Variants in MAP3K7CL observed in about 807,000 individuals in gnomAD.
MAP3K7CL encodes the protein MAP3K7 C-terminal like, also known as MAP3K7 C-terminal-like protein.
A neutral mutation model predicts 18.6 loss-of-function variants in MAP3K7CL; 16 were observed. The observed-to-expected ratio is 0.86, with a 90% CI of 0.58 to 1.31. The LOEUF is 1.31. MAP3K7CL is among the 50% of genes most tolerant of loss of function. The pLI is 0.00. For missense variants in MAP3K7CL, 163 were observed against 174.4 expected (o/e 0.93, Z 0.37); for synonymous variants, 65 against 66.8 (o/e 0.97, Z 0.13).
chr21:29,109,259 C>A, intron 4 of MAP3K7CL: 3 of 1,533,740 alleles, frequency 2.0e-6, no homozygotes, highest in Non-Finnish European at 1.7e-6. Context: ...TATATACAAC[C>A]AGATAGTGCA....
chr21:29,171,722 G>A (rs958444982), intron 4 of MAP3K7CL, among the ~76,000 whole-genome samples: 1 of 144,466 alleles, frequency 6.9e-6, no homozygotes, highest in African/African-American at 2.6e-5. Flanking sequence ...CAGGAGAATC[G>A]CTTGATCCCA....
intron 4 of MAP3K7CL, among the ~76,000 whole-genome samples, chr21:29,115,849 A>G (rs78689757): frequency 2.0e-5 from 3 of 152,230 alleles, no homozygotes; most frequent in African/African-American, 7.2e-5. Flanking sequence ...TAATTATTCT[A>G]TTTAAAGCCC....
At chr21:29,133,794 C>G (rs115667919) in intron 2 of MAP3K7CL, among the ~76,000 whole-genome samples, 1 of 152,166 alleles carries the variant, frequency 6.6e-6, no homozygotes, top group African/African-American at 2.4e-5. Flanking sequence ...ATCACTGTTC[C>G]GTTTACAGCA....
intron 2 of MAP3K7CL, among the ~76,000 whole-genome samples, chr21:29,147,329 C>G (rs1226961160): frequency 6.6e-6 from 1 of 151,698 alleles, no homozygotes; most frequent in Non-Finnish European, 1.5e-5. Flanking sequence ...CATATATGCA[C>G]TGTATATGTA....
chr21:29,091,903 A>G (rs2086036134), intron 3 of MAP3K7CL: 1 of 585,914 alleles, frequency 1.7e-6, no homozygotes, highest in South Asian at 2.1e-5. Context: ...AGTCCTTTTG[A>G]GTTGGATACT....
chr21:29,085,729 A>T (rs1218460647), upstream of MAP3K7CL: 2 of 808,796 alleles, frequency 2.5e-6, no homozygotes, highest in Non-Finnish European at 4.2e-6. Context: ...ACATTAATTG[A>T]ATGCCAACGG....
chr21:29,121,995 G>A (rs1360620579), intron 4 of MAP3K7CL: 1 of 152,072 alleles, frequency 6.6e-6, no homozygotes, highest in African/African-American at 2.4e-5. Flanking sequence ...TCATCAGCAT[G>A]GGGAGGAGGA....
chr21:29,109,779 T>C, intron 4 of MAP3K7CL: 2 of 985,520 alleles, frequency 2.0e-6, no homozygotes, highest in Non-Finnish European at 2.4e-6. Flanking sequence ...TAATAAAGTG[T>C]CTTTTACTTA....
intron 1 of MAP3K7CL, among the ~76,000 whole-genome samples, chr21:29,080,190 T>C (rs551533082): frequency 2.2e-4 from 33 of 152,356 alleles, no homozygotes; most frequent in African/African-American, 7.5e-4. Flanking sequence ...ACTGTCATAG[T>C]TCCCCTGATC....
At chr21:29,129,847 C>T (rs2086746505), upstream of MAP3K7CL, among the ~76,000 whole-genome samples, 1 of 152,186 alleles carries the variant, frequency 6.6e-6, no homozygotes, top group Admixed American at 6.5e-5. Context: ...TTGGGTTATT[C>T]CAATAGGTGT....
chr21:29,116,562 A>C (rs2086508668), intron 4 of MAP3K7CL, among the ~76,000 whole-genome samples: 1 of 152,182 alleles, frequency 6.6e-6, no homozygotes, highest in Admixed American at 6.5e-5. Context: ...ATTATTAAAA[A>C]TATCTCAGGT....
At chr21:29,111,702 G>A (rs1383301018) in intron 4 of MAP3K7CL, among the ~76,000 whole-genome samples, 1 of 152,204 alleles carries the variant, frequency 6.6e-6, no homozygotes, top group East Asian at 1.9e-4. Flanking sequence ...GTGAGGAAAG[G>A]AGGGTGGAGT....
intron 1 of MAP3K7CL, among the ~76,000 whole-genome samples, chr21:29,090,694 GA>G (rs1348954942): frequency 6.6e-6 from 1 of 151,868 alleles, no homozygotes; most frequent in South Asian, 2.1e-4. Context: ...TTTGTTAATA[GA>G]AAAATCAATT....
chr21:29,174,803 A>G lies in MAP3K7CL; in HGVS notation c.340A>G (p.Asn114Asp). 2 of 1,614,070 alleles carry G rather than the reference A, an allele frequency of 1.2e-6. No individual in the cohort carries two copies. The highest frequency in any genetic ancestry group is 1.7e-6 in the Non-Finnish European group (2 of 1,179,986). ...GGAATTCGAGGCTCTGACGGAGGAG[A>G]ATCGGACGTTGAGGTTGGCCCAGTC... ...VREFEALTEE[N>D]RTLRLAQSQC... Residue 114 changes from asparagine to aspartate, a missense_variant, in exon 5 of 5, where the codon AAT becomes GAT. Physicochemically the swap from Asn to Asp is conservative, Grantham distance 23. Coordinates refer to ENST00000399928, the MANE Select transcript of MAP3K7CL (RefSeq NM_001286620.2).
chr21:29,100,954 C>T lies in MAP3K7CL; in HGVS notation c.370+8373C>T, dbSNP rs182566803. On this transcript the variant is annotated intron_variant, in intron 4 of 6. Coordinates refer to the MAP3K7CL transcript ENST00000286791. ...GTGTCGATCTCCTGACCTCGTGATC[C>T]GCCCGCCTCGGCCTCCCAAAGTGCT... Among the ~76,000 whole-genome samples the T allele has an allele frequency of 1.9e-3, 287 of 151,390 alleles. 4 individuals carry two copies. Among genetic ancestry groups the T allele is most frequent in the African/African-American group, 6.7e-3 (278 of 41,234 alleles).
chr21:29,159,672 T>C (rs553340436), intron 3 of MAP3K7CL, among the ~76,000 whole-genome samples: 4 of 152,260 alleles, frequency 2.6e-5, no homozygotes, highest in African/African-American at 9.6e-5. Flanking sequence ...GTAACTGACA[T>C]GTAATGGATT....
chr21:29,138,391 A>C (rs1301770429), intron 2 of MAP3K7CL, among the ~76,000 whole-genome samples: 1 of 152,240 alleles, frequency 6.6e-6, no homozygotes, highest in Non-Finnish European at 1.5e-5. Flanking sequence ...TTCTTAATAG[A>C]AAAAGTGCAG....
At chr21:29,106,055 C>T (rs1601162771) in intron 4 of MAP3K7CL, among the ~76,000 whole-genome samples, 1 of 152,254 alleles carries the variant, frequency 6.6e-6, no homozygotes, top group South Asian at 2.1e-4. Flanking sequence ...AATCCCTAGG[C>T]TCTAAGATCA....
At chr21:29,168,804 G>A (rs2087753968) in intron 4 of MAP3K7CL, among the ~76,000 whole-genome samples, 1 of 152,164 alleles carries the variant, frequency 6.6e-6, no homozygotes, top group African/African-American at 2.4e-5. Flanking sequence ...CATTAAGTGG[G>A]TTAAAAGGGA....
Sources: allele counts gnomAD v4.1 joint callset (sites outside exome capture counted in the v4.1 genomes callset), GRCh38; gene constraint gnomAD v4.1.1; transcripts MANE v1.5; gene names NCBI Gene and HGNC (gene_info 2026-07-23, HGNC 2026-07-21).